Variants in KPNA3 observed in about 807,000 individuals in gnomAD.
KPNA3 encodes the protein karyopherin subunit alpha 3.
Under a neutral mutation model 73.8 loss-of-function variants are expected in KPNA3, and 13 were observed. That is an observed-to-expected ratio of 0.18 (90% CI 0.11 to 0.28). KPNA3 has a LOEUF of 0.28. KPNA3 is among the 10% of genes least tolerant of loss of function. KPNA3 has a pLI of 1.00. For missense variants in KPNA3, 360 were observed against 618.1 expected, an observed-to-expected ratio of 0.58 and a Z score of 4.43; for synonymous variants, 186 against 206.9, an observed-to-expected ratio of 0.90 and a Z score of 0.87.
chr13:49,783,834 C>T (rs9568331), intron 1 of KPNA3, among the ~76,000 whole-genome samples: 13,788 of 152,230 alleles, frequency 0.091, 682 homozygotes, highest in South Asian at 0.12. Flanking sequence ...TTCTTTATCA[C>T]CTGAACCCTA....
intron 2 of KPNA3, among the ~76,000 whole-genome samples, chr13:49,733,282 G>GTTTT (rs760449062): frequency 0.093 from 9,387 of 100,646 alleles, 533 homozygotes; most frequent in South Asian, 0.19. Context: ...CCACTGTGGT[G>GTTTT]TTTTTTTTTT....
intron 10 of KPNA3, among the ~76,000 whole-genome samples, chr13:49,713,537 T>G (rs1954279186): frequency 6.6e-6 from 1 of 151,376 alleles, no homozygotes; most frequent in Non-Finnish European, 1.5e-5. Context: ...TATAAGCCTA[T>G]CACAAGGCAA....
chr13:49,744,174 T>TA (rs1384795642), intron 2 of KPNA3, among the ~76,000 whole-genome samples: 2 of 152,192 alleles, frequency 1.3e-5, no homozygotes, highest in African/African-American at 4.8e-5. Context: ...GCTGGATACT[T>TA]ACGACGTGTG....
At chr13:49,764,662 T>A (rs1190319892) in intron 1 of KPNA3, among the ~76,000 whole-genome samples, 1 of 152,078 alleles carries the variant, frequency 6.6e-6, no homozygotes, top group East Asian at 1.9e-4. Flanking sequence ...TCTCATCAAC[T>A]GTCCCCTTGC....
chr13:49,740,022 G>A lies in KPNA3; in HGVS notation c.114+6927C>T, dbSNP rs189186948. ...TCCCAGAACTTTGGGAGGCTGAGGC[G>A]GGCAGATTGCTTGAGCTCAGAAGTT... is the stretch of plus-strand genomic sequence containing the variant. On this transcript the variant is annotated intron_variant, in intron 2 of 16. Transcript: ENST00000261667. Among the ~76,000 whole-genome samples the A allele has an allele frequency of 1.4e-4, 21 of 152,184 alleles. No individual in the cohort carries two copies. The East Asian group carries it at 3.5e-3, about 25-fold the overall frequency.
chr13:49,701,405 T>A lies in KPNA3; in HGVS notation c.*395A>T. 6.7e-6 allele frequency: 3 copies of A among 449,352 alleles called. No homozygotes were observed. The highest frequency in any genetic ancestry group is 1.4e-5 in the Non-Finnish European group (3 of 215,888). 27.8% of individuals were successfully genotyped at this position (449,352 alleles called of 1,614,324 possible). On this transcript the variant is annotated 3_prime_UTR_variant, in exon 17 of 17. Coordinates refer to ENST00000261667, the MANE Select transcript of KPNA3 (RefSeq NM_002267.4). The stretch of plus-strand genomic sequence containing the variant: ...TGCACCTCTTTAGTCTTCCAACTTG[T>A]ATATGCATCATACCAAAGTGTCTTG...
In KPNA3 at chr13:49,713,634, AACACACACACAC is replaced by A. The variant is rs66994650; in HGVS notation, c.772-2624_772-2613del. Among the ~76,000 whole-genome samples, 128 of 140,930 alleles carry A rather than the reference AACACACACACAC, an allele frequency of 9.1e-4. 1 individual carries two copies. Among genetic ancestry groups the A allele is most frequent in the African/African-American group, 2.7e-3 (102 of 38,050 alleles). The allele number at this position is 140,930 out of a possible 152,430, so 92.5% of individuals were successfully genotyped here. On this transcript the variant is annotated intron_variant, in intron 10 of 16. Transcript: ENST00000261667. ...CTTATATTAAACAGCTCTTAGGTGA[AACACACACACAC>A]ACACACACACACACACACACACACA...
intron 1 of KPNA3, among the ~76,000 whole-genome samples, chr13:49,788,740 A>T (rs140376257): frequency 0.16 from 4,690 of 29,294 alleles, 147 homozygotes; most frequent in African/African-American, 0.3. Context: ...TTTTTTTTTA[A>T]AAAAAAAAAG....
chr13:49,768,562 A>G (rs1000229935), intron 1 of KPNA3, among the ~76,000 whole-genome samples: 8 of 111,980 alleles, frequency 7.1e-5, no homozygotes, highest in African/African-American at 2.4e-4. Flanking sequence ...CATTTGGGTT[A>G]ATCAATTTTT....
In KPNA3 at chr13:49,701,327, A is replaced by G. The variant is rs1317399675; in HGVS notation, c.*473T>C. ...TACTTTAAAATCTATTCTTCCACAT[A>G]AAGAATATGAAAATATGTTTGTGGA... On this transcript the variant is annotated 3_prime_UTR_variant, in exon 17 of 17. Transcript: ENST00000261667. The G allele has an allele frequency of 4.9e-6, 1 of 202,464 alleles. No homozygotes were observed. 12.5% of individuals were successfully genotyped at this position (202,464 alleles called of 1,614,324 possible).
intron 1 of KPNA3, among the ~76,000 whole-genome samples, chr13:49,785,993 G>GT (rs767227276): frequency 1.3e-5 from 2 of 152,176 alleles, no homozygotes; most frequent in Non-Finnish European, 2.9e-5. Context: ...TTATTTAAGA[G>GT]TGCTAAACAT....
At chr13:49,758,464 C>T (rs914527415) in intron 1 of KPNA3, among the ~76,000 whole-genome samples, 5 of 152,100 alleles carry the variant, frequency 3.3e-5, no homozygotes, top group African/African-American at 9.7e-5. Context: ...AAACTGTTCT[C>T]GGTAACCCTA....
chr13:49,764,753 TA>T (rs879573361), intron 1 of KPNA3, among the ~76,000 whole-genome samples: 2,374 of 141,390 alleles, frequency 0.017, 9 homozygotes, highest in African/African-American at 0.022. Context: ...GTCTTTCACT[TA>T]AAAAAAAAAA....
rs1169966358 is a variant in KPNA3, at chr13:49,700,476, G to C, written c.*1324C>G. On this transcript the variant is annotated 3_prime_UTR_variant, in exon 17 of 17. Coordinates refer to ENST00000261667, the MANE Select transcript of KPNA3 (RefSeq NM_002267.4). ...AACTGGGTCAGACAATTTACCAAAA[G>C]CAATAACTTGACATAGTAATACCGG... is the stretch of plus-strand genomic sequence containing the variant. 1 of 152,588 alleles carries C rather than the reference G, an allele frequency of 6.6e-6. No homozygotes were observed. 9.5% of individuals were successfully genotyped at this position (152,588 alleles called of 1,614,324 possible).
intron 8 of KPNA3, 151 bp from the exon 9 acceptor site, chr13:49,722,275 T>A: frequency 2.8e-6 from 2 of 706,034 alleles, no homozygotes; most frequent in Non-Finnish European, 4.5e-6. Flanking sequence ...GATTTTGATC[T>A]GGGGAACGTA....
At chr13:49,702,521 A>C (rs766020637) in intron 15 of KPNA3, 41 bp from the exon 16 acceptor site, 1 of 1,044,150 alleles carries the variant, frequency 9.6e-7, no homozygotes, top group Non-Finnish European at 1.5e-6. Flanking sequence ...GTTAATTGAT[A>C]AGGAGATACT....
chr13:49,706,745 TTTTTC>T (rs1392108236), intron 12 of KPNA3, among the ~76,000 whole-genome samples: 1 of 101,348 alleles, frequency 9.9e-6, no homozygotes, highest in Non-Finnish European at 2.1e-5. Flanking sequence ...CTGAATTTCT[TTTTTC>T]TTTTCTTTTT....
At chr13:49,781,730 G>A (rs768950039) in intron 1 of KPNA3, among the ~76,000 whole-genome samples, 3 of 152,168 alleles carry the variant, frequency 2.0e-5, no homozygotes, top group Non-Finnish European at 2.9e-5. Context: ...GTTAAGGTTT[G>A]TCCAGGACTT....
chr13:49,770,896 T>C (rs530497133), intron 1 of KPNA3, among the ~76,000 whole-genome samples: 2 of 149,750 alleles, frequency 1.3e-5, no homozygotes, highest in East Asian at 2.0e-4. Flanking sequence ...AATGTGAAAG[T>C]TTCTTTCTGG....
Sources: allele counts gnomAD v4.1 joint callset (sites outside exome capture counted in the v4.1 genomes callset), GRCh38; gene constraint gnomAD v4.1.1; transcripts MANE v1.5; gene names NCBI Gene and HGNC (gene_info 2026-07-23, HGNC 2026-07-21).